GRIN2A: variants seen among roughly 807,000 people sequenced by gnomAD.
GRIN2A encodes glutamate ionotropic receptor NMDA type subunit 2A, also known as glutamate receptor ionotropic, NMDA 2A.
GRIN2A carries 22 observed loss-of-function variants against 113.4 expected under a neutral mutation model. The observed-to-expected ratio is 0.19, with a 90% CI of 0.14 to 0.28. The LOEUF (loss-of-function observed/expected upper bound fraction) is 0.28. GRIN2A is among the 10% of genes least tolerant of loss of function. The probability of loss-of-function intolerance (pLI) is 1.00; values close to 1 mark genes in which losing one functional copy is unlikely to be tolerated. For synonymous variants in GRIN2A, 827 were observed against 738.4 expected (o/e 1.12, Z -1.94); for missense variants, 1,502 against 1,887.0 (o/e 0.80, Z 3.78).
At chr16:10,084,701 T>C (rs1287550703) in intron 2 of GRIN2A, among the ~76,000 whole-genome samples, 2 of 152,066 alleles carry the variant, frequency 1.3e-5, no homozygotes, top group Non-Finnish European at 2.9e-5. Context: ...CATCTGACTT[T>C]TCTAGTATGA....
chr16:10,170,951 T>C (rs2050029455), intron 2 of GRIN2A, among the ~76,000 whole-genome samples: 1 of 152,166 alleles, frequency 6.6e-6, no homozygotes, highest in Admixed American at 6.5e-5. Context: ...GTTAACCTCA[T>C]TAAAGCTGAG....
chr16:9,913,057 C>T (rs1259889499), intron 3 of GRIN2A, among the ~76,000 whole-genome samples: 4 of 152,246 alleles, frequency 2.6e-5, no homozygotes, highest in Admixed American at 1.3e-4. Flanking sequence ...CATGATTTCT[C>T]TCCACTTCTT....
intron 2 of GRIN2A, among the ~76,000 whole-genome samples, chr16:10,109,368 C>T (rs937264078): frequency 2.6e-5 from 4 of 150,998 alleles, no homozygotes; most frequent in Non-Finnish European, 4.4e-5. Flanking sequence ...GAGTCCTACA[C>T]AAATTATTTC....
intron 3 of GRIN2A, among the ~76,000 whole-genome samples, chr16:9,917,796 A>G (rs1323615285): frequency 1.3e-5 from 2 of 152,186 alleles, no homozygotes; most frequent in Admixed American, 6.5e-5. Flanking sequence ...CTGCTCCACA[A>G]TTTCAACACG....
At chr16:9,843,737 T>G (rs1567340125) in intron 5 of GRIN2A, among the ~76,000 whole-genome samples, 2 of 151,930 alleles carry the variant, frequency 1.3e-5, no homozygotes, top group Non-Finnish European at 1.5e-5. Context: ...CCACCCTTAG[T>G]GGGGGGGTAG....
intron 2 of GRIN2A, among the ~76,000 whole-genome samples, chr16:10,075,189 T>C (rs554664112): frequency 6.6e-6 from 1 of 152,224 alleles, no homozygotes; most frequent in South Asian, 2.1e-4. Flanking sequence ...ACCTGGCGCG[T>C]AGTCAGCACC....
chr16:10,059,720 GA>G (rs34385533), intron 2 of GRIN2A, among the ~76,000 whole-genome samples: 76,262 of 116,798 alleles, frequency 0.65, 23,955 homozygotes, highest in East Asian at 0.89. Context: ...CATCGTGACC[GA>G]AAAAAAAAAA....
chr16:9,856,671 T>G (rs2042974727), intron 4 of GRIN2A, among the ~76,000 whole-genome samples: 1 of 151,900 alleles, frequency 6.6e-6, no homozygotes, highest in African/African-American at 2.4e-5. Flanking sequence ...AAAATAAGTC[T>G]TTCCGTTTCT....
chr16:9,827,706 A>C (rs572645474), intron 9 of GRIN2A, among the ~76,000 whole-genome samples: 1 of 152,292 alleles, frequency 6.6e-6, no homozygotes, highest in South Asian at 2.1e-4. Flanking sequence ...AAAGCACAGA[A>C]AGGTGGGGCT....
At chr16:9,783,540 A>G (rs73498514) in intron 11 of GRIN2A, among the ~76,000 whole-genome samples, 3,953 of 152,280 alleles carry the variant, frequency 0.026, 158 homozygotes, top group African/African-American at 0.084. Flanking sequence ...GCCTACCCTC[A>G]TATCTCCTAT....
At chr16:9,884,284 C>T (rs1199675252) in intron 4 of GRIN2A, among the ~76,000 whole-genome samples, 1 of 152,202 alleles carries the variant, frequency 6.6e-6, no homozygotes, top group African/African-American at 2.4e-5. Flanking sequence ...CGCAGTGGCT[C>T]ATGCCTGTAA....
chr16:9,834,618 G>C (rs2042555874), intron 7 of GRIN2A, among the ~76,000 whole-genome samples: 1 of 151,910 alleles, frequency 6.6e-6, no homozygotes, highest in African/African-American at 2.4e-5. Context: ...CTGACCTCAG[G>C]TGATCTGCCC....
intron 2 of GRIN2A, among the ~76,000 whole-genome samples, chr16:10,098,952 C>A (rs1361372465): frequency 2.0e-5 from 3 of 146,482 alleles, no homozygotes; most frequent in Non-Finnish European, 4.5e-5. Context: ...CAAAAAAAAC[C>A]TATGGAAATT....
At chr16:10,111,810 C>T in intron 2 of GRIN2A, 1 of 1,326,916 alleles carries the variant, frequency 7.5e-7, no homozygotes, top group Non-Finnish European at 1.1e-6. Flanking sequence ...CTTGCATCCT[C>T]ATCACTGAGA....
intron 2 of GRIN2A, among the ~76,000 whole-genome samples, chr16:9,945,788 C>T (rs181059448): frequency 3.2e-3 from 487 of 152,244 alleles, no homozygotes; most frequent in Non-Finnish European, 5.5e-3. Context: ...GTCTTTCAGG[C>T]TTTCCCATAA....
rs1266064474 is a variant in GRIN2A, at chr16:9,760,202, C to T, written c.*2947G>A. The T allele has an allele frequency of 4.4e-6, 1 of 226,846 alleles. No individual in the cohort carries two copies. 14.1% of individuals were successfully genotyped at this position (226,846 alleles called of 1,614,324 possible). A position where few individuals can be genotyped will look rare whatever the true frequency, so the allele number is the denominator to read the frequency against. The stretch of plus-strand genomic sequence containing the variant: ...GAATCTTCTGTGATAGATCTATAGT[C>T]TCAGGCTTCCAGGCTTCCTATTTAA... On this transcript the variant is annotated 3_prime_UTR_variant, in exon 13 of 13. Transcript: ENST00000330684.
intron 2 of GRIN2A, among the ~76,000 whole-genome samples, chr16:9,972,444 C>T (rs1057485832): frequency 5.9e-5 from 9 of 152,050 alleles, no homozygotes; most frequent in African/African-American, 9.7e-5. Context: ...GGAAAGAAGA[C>T]AATCAACAGA....
At chr16:10,142,286 A>T (rs2049342891) in intron 2 of GRIN2A, among the ~76,000 whole-genome samples, 1 of 152,194 alleles carries the variant, frequency 6.6e-6, no homozygotes, top group Admixed American at 6.5e-5. Context: ...GCACACAGAG[A>T]CTTGCAGCTT....
intron 2 of GRIN2A, among the ~76,000 whole-genome samples, chr16:10,129,933 C>A (rs531081386): frequency 6.6e-6 from 1 of 152,284 alleles, no homozygotes; most frequent in East Asian, 1.9e-4. Context: ...AAGGTAGAAG[C>A]ATGTTTCATG....
Sources: allele counts gnomAD v4.1 joint callset (sites outside exome capture counted in the v4.1 genomes callset), GRCh38; gene constraint gnomAD v4.1.1; transcripts MANE v1.5; gene names NCBI Gene and HGNC (gene_info 2026-07-23, HGNC 2026-07-21).